Variants in EFNA5 observed in about 807,000 individuals in gnomAD.
EFNA5 encodes ephrin A5.
In EFNA5, 5 loss-of-function variants were observed where a neutral mutation model predicts 22.9. The observed-to-expected ratio is 0.22, with a 90% CI of 0.11 to 0.46. The LOEUF (loss-of-function observed/expected upper bound fraction) is 0.46. EFNA5 is among the 20% of genes least tolerant of loss of function. The pLI is 0.99. For missense variants in EFNA5, 237 were observed against 293.3 expected (o/e 0.81, Z 1.40); for synonymous variants, 113 against 112.2 (o/e 1.01, Z -0.04).
intron 1 of EFNA5, among the ~76,000 whole-genome samples, chr5:107,459,245 A>C (rs1749773752): frequency 1.3e-5 from 2 of 151,984 alleles, no homozygotes; most frequent in Admixed American, 1.3e-4. Context: ...AATACAAAAA[A>C]TTAGGTGGAG....
chr5:107,387,871 G>A, intron 2 of EFNA5, 100 bp from the exon 3 acceptor site: 1 of 851,102 alleles, frequency 1.2e-6, no homozygotes, highest in Non-Finnish European at 1.8e-6. Context: ...ATTCTTTCCT[G>A]ACTTGAACAA....
At chr5:107,462,223 G>A (rs1430466686) in intron 1 of EFNA5, among the ~76,000 whole-genome samples, 1 of 152,050 alleles carries the variant, frequency 6.6e-6, no homozygotes, top group East Asian at 1.9e-4. Context: ...AAGCTAAGGA[G>A]GATAGAGTGT....
intron 1 of EFNA5, among the ~76,000 whole-genome samples, chr5:107,571,575 T>G (rs1272314416): frequency 4.6e-5 from 7 of 151,496 alleles, no homozygotes; most frequent in Admixed American, 3.9e-4. Context: ...GCTAATGGCA[T>G]AGGTTTGGGC....
intron 1 of EFNA5, among the ~76,000 whole-genome samples, chr5:107,607,246 A>G (rs1412560680): frequency 6.6e-6 from 1 of 152,076 alleles, no homozygotes; most frequent in Non-Finnish European, 1.5e-5. Context: ...TTGATACATT[A>G]GAATAGAAAA....
intron 1 of EFNA5, among the ~76,000 whole-genome samples, chr5:107,535,583 A>G (rs1383782525): frequency 3.9e-5 from 6 of 152,196 alleles, no homozygotes; most frequent in Non-Finnish European, 7.3e-5. Flanking sequence ...TTTTATAGAA[A>G]ACAGAAACTA....
chr5:107,387,154 AGAG>A, intron 4 of EFNA5, 78 bp downstream of exon 4: 1 of 953,532 alleles, frequency 1.0e-6, no homozygotes, highest in Non-Finnish European at 1.6e-6. Flanking sequence ...GCAAACATGC[AGAG>A]AAGAAGAAAG....
intron 1 of EFNA5, among the ~76,000 whole-genome samples, chr5:107,428,457 A>T (rs1467610599): frequency 6.6e-6 from 1 of 152,206 alleles, no homozygotes; most frequent in Non-Finnish European, 1.5e-5. Flanking sequence ...TTCAATTCTC[A>T]TCTCACAAAA....
At position 107,603,991 on chromosome 5, in the gene EFNA5, A is replaced by G. The variant is rs143423100; in HGVS notation, c.125+66498T>C. Among the ~76,000 whole-genome samples, 52 of 152,330 alleles carry G rather than the reference A, an allele frequency of 3.4e-4. No homozygotes were observed. In the East Asian group the frequency reaches 8.7e-3, roughly 25 times the overall value. On this transcript the variant is annotated intron_variant, in intron 1 of 4. Coordinates refer to ENST00000333274, the MANE Select transcript of EFNA5 (RefSeq NM_001962.3). ...AGAATATCAGTTCTTTAGCAAAACC[A>G]TAAGGACAAGGTAATTTTGTAAGGA...
chr5:107,526,936 T>A (rs1173509597), intron 1 of EFNA5, among the ~76,000 whole-genome samples: 1 of 152,236 alleles, frequency 6.6e-6, no homozygotes, highest in Non-Finnish European at 1.5e-5. Flanking sequence ...CCTTCACCTA[T>A]GCTGTTCTTT....
At chr5:107,639,620 G>C (rs1356182039) in intron 1 of EFNA5, among the ~76,000 whole-genome samples, 1 of 152,114 alleles carries the variant, frequency 6.6e-6, no homozygotes, top group Admixed American at 6.5e-5. Context: ...AATGTATTAA[G>C]TGCCCAGCAC....
intron 2 of EFNA5, among the ~76,000 whole-genome samples, chr5:107,414,079 T>C (rs1034285889): frequency 2.0e-5 from 3 of 152,196 alleles, no homozygotes; most frequent in Non-Finnish European, 4.4e-5. Flanking sequence ...GCCAATGTTC[T>C]CGAAGTGTGG....
chr5:107,422,373 A>G (rs1748691821), intron 2 of EFNA5, among the ~76,000 whole-genome samples: 1 of 152,250 alleles, frequency 6.6e-6, no homozygotes, highest in Non-Finnish European at 1.5e-5. Flanking sequence ...CCATAAATAT[A>G]TAATGTCAGG....
At chr5:107,547,814 G>A (rs1177362029) in intron 1 of EFNA5, among the ~76,000 whole-genome samples, 3 of 152,138 alleles carry the variant, frequency 2.0e-5, no homozygotes, top group African/African-American at 7.2e-5. Flanking sequence ...AAATTTCACG[G>A]TAATGTAACT....
At chr5:107,590,290 G>A (rs746733390) in intron 1 of EFNA5, among the ~76,000 whole-genome samples, 2 of 152,148 alleles carry the variant, frequency 1.3e-5, no homozygotes, top group Non-Finnish European at 2.9e-5. Flanking sequence ...GCAACCTGAG[G>A]AAGAATAACA....
intron 2 of EFNA5, among the ~76,000 whole-genome samples, chr5:107,414,108 CAGCTGGA>C (rs1414496693): frequency 6.6e-6 from 1 of 152,140 alleles, no homozygotes; most frequent in Non-Finnish European, 1.5e-5. Context: ...GCAGGAAAAA[CAGCTGGA>C]GGGCTTATTA....
intron 1 of EFNA5, among the ~76,000 whole-genome samples, chr5:107,659,360 AC>A (rs1750894531): frequency 6.6e-6 from 1 of 152,164 alleles, no homozygotes; most frequent in African/African-American, 2.4e-5. Flanking sequence ...TCTATGTGGT[AC>A]CAGAGAACAG....
intron 1 of EFNA5, among the ~76,000 whole-genome samples, chr5:107,632,845 A>G (rs1440948472): frequency 1.3e-5 from 2 of 152,180 alleles, no homozygotes; most frequent in Non-Finnish European, 2.9e-5. Flanking sequence ...TATTTTCCTA[A>G]TCTACTAATG....
chr5:107,630,424 A>G (rs1750226101), intron 1 of EFNA5, among the ~76,000 whole-genome samples: 2 of 152,254 alleles, frequency 1.3e-5, no homozygotes, highest in Admixed American at 1.3e-4. Flanking sequence ...ACTGTAGGCA[A>G]TTGTGACACA....
intron 1 of EFNA5, among the ~76,000 whole-genome samples, chr5:107,601,167 A>G (rs114410244): frequency 0.013 from 1,949 of 152,340 alleles, 26 homozygotes; most frequent in Admixed American, 0.039. Context: ...TTCATAACAT[A>G]TTATTACTAG....
Sources: gnomAD v4.1 joint callset for allele counts (sites outside exome capture counted in the v4.1 genomes callset) on GRCh38, gnomAD v4.1.1 for gene constraint, MANE v1.5 for transcripts, NCBI Gene and HGNC (gene_info 2026-07-23, HGNC 2026-07-21) for gene names.